NEDD4L: variants seen among roughly 807,000 people sequenced by gnomAD.
NEDD4L encodes the protein NEDD4 like E3 ubiquitin protein ligase.
Under a neutral mutation model 148.9 loss-of-function variants are expected in NEDD4L, and 54 were observed. The observed-to-expected ratio is 0.36, with a 90% CI of 0.29 to 0.45. NEDD4L has a LOEUF of 0.45. NEDD4L is among the 20% of genes least tolerant of loss of function. NEDD4L has a pLI of 1.00. For missense variants in NEDD4L, 856 were observed against 1,233.8 expected (o/e 0.69, Z 4.59); for synonymous variants, 433 against 440.7 (o/e 0.98, Z 0.22).
chr18:58,336,346 G>A (rs182814134), intron 13 of NEDD4L, among the ~76,000 whole-genome samples: 261 of 152,294 alleles, frequency 1.7e-3, no homozygotes, highest in Admixed American at 7.3e-3. Flanking sequence ...GGGAGGCTGA[G>A]GCAGGTGGAT....
chr18:58,274,114 T>C (rs1032366180), intron 5 of NEDD4L, among the ~76,000 whole-genome samples: 4 of 150,034 alleles, frequency 2.7e-5, no homozygotes, highest in Non-Finnish European at 4.5e-5. Flanking sequence ...GTGAGCCACG[T>C]AGAGAGAAGT....
At chr18:58,182,508 C>A (rs2038972267) in intron 2 of NEDD4L, among the ~76,000 whole-genome samples, 1 of 141,618 alleles carries the variant, frequency 7.1e-6, no homozygotes, top group Non-Finnish European at 1.5e-5. Flanking sequence ...AGCATTGATA[C>A]CTTTTTTTTT....
intron 5 of NEDD4L, among the ~76,000 whole-genome samples, chr18:58,302,643 T>C (rs750365948): frequency 6.6e-6 from 1 of 152,248 alleles, no homozygotes; most frequent in Non-Finnish European, 1.5e-5. Context: ...TAACATTCAA[T>C]AGTAACTTGC....
At chr18:58,184,006 A>G (rs2039153990) in intron 2 of NEDD4L, among the ~76,000 whole-genome samples, 1 of 152,136 alleles carries the variant, frequency 6.6e-6, no homozygotes, top group Non-Finnish European at 1.5e-5. Flanking sequence ...CGTCTCTACT[A>G]AAAATAGAGA....
intron 18 of NEDD4L, among the ~76,000 whole-genome samples, chr18:58,355,554 T>A (rs935716074): frequency 6.6e-6 from 1 of 152,250 alleles, no homozygotes; most frequent in Non-Finnish European, 1.5e-5. Context: ...GATACGGTTA[T>A]AATCCAAGTT....
chr18:58,352,896 C>CA (rs1227920099), intron 18 of NEDD4L, among the ~76,000 whole-genome samples: 1 of 152,114 alleles, frequency 6.6e-6, no homozygotes, highest in African/African-American at 2.4e-5. Flanking sequence ...CGCAAGGAGC[C>CA]AAAAACAGAA....
At chr18:58,127,484 G>T (rs192571857) in intron 1 of NEDD4L, among the ~76,000 whole-genome samples, 12 of 151,786 alleles carry the variant, frequency 7.9e-5, no homozygotes, top group Admixed American at 6.6e-4. Flanking sequence ...CGGGAAGATC[G>T]CTTGAGGCCA....
rs114940918 is a variant in NEDD4L, at chr18:58,221,541, A to G, written c.123-23886A>G. ...CCTGTCATTGAAGTGAATCATCAGT[A>G]TAAGTAGCGAGCTGGGCGCATTCCT... On this transcript the variant is annotated intron_variant, in intron 2 of 30. Transcript: ENST00000400345. The G allele has an allele frequency of 2.7e-3, 2,613 of 985,344 alleles. 60 individuals are homozygous for G. The African/African-American group carries it at 0.043, about 16-fold the overall frequency. The allele number at this position is 985,344 out of a possible 1,614,324, so 61.0% of individuals were successfully genotyped here.
intron 21 of NEDD4L, 44 bp from the exon 22 acceptor site, chr18:58,367,702 A>G (rs1274399618): frequency 5.0e-6 from 8 of 1,610,516 alleles, no homozygotes; most frequent in Non-Finnish European, 5.1e-6. Context: ...AAAATCTTGC[A>G]TTTGAAAGTG....
At chr18:58,047,605 A>C in intron 1 of NEDD4L, 1 of 661,360 alleles carries the variant, frequency 1.5e-6, no homozygotes, top group Non-Finnish European at 1.9e-6. Context: ...GGTGAGTTAT[A>C]ATTCATATTT....
At chr18:58,135,934 C>A (rs1384006346) in intron 1 of NEDD4L, among the ~76,000 whole-genome samples, 1 of 152,146 alleles carries the variant, frequency 6.6e-6, no homozygotes, top group Non-Finnish European at 1.5e-5. Flanking sequence ...ATGGCCATAC[C>A]CCTTGTGTGG....
intron 19 of NEDD4L, 128 bp from the exon 20 acceptor site, chr18:58,364,140 C>A: frequency 1.5e-6 from 1 of 667,772 alleles, no homozygotes; most frequent in Non-Finnish European, 2.6e-6. Flanking sequence ...CTAATTTTTC[C>A]ATGGATAATC....
chr18:58,324,922 G>A (rs1267299528), intron 8 of NEDD4L, 74 bp from the exon 9 acceptor site: 8 of 1,360,042 alleles, frequency 5.9e-6, no homozygotes, highest in Non-Finnish European at 3.1e-6. Context: ...GGGCATGCAG[G>A]GCATGCTGTG....
chr18:58,214,390 A>G (rs569886371), intron 2 of NEDD4L, among the ~76,000 whole-genome samples: 70 of 152,322 alleles, frequency 4.6e-4, no homozygotes, highest in African/African-American at 1.6e-3. Context: ...GAATCAGAGA[A>G]AGAGAGAGAT....
intron 5 of NEDD4L, among the ~76,000 whole-genome samples, chr18:58,253,490 G>A (rs1458763210): frequency 6.6e-6 from 1 of 152,196 alleles, no homozygotes; most frequent in Non-Finnish European, 1.5e-5. Flanking sequence ...GTACTTTCTT[G>A]TGAAATTGGA....
intron 18 of NEDD4L, among the ~76,000 whole-genome samples, chr18:58,352,141 C>A (rs559285756): frequency 6.6e-6 from 1 of 152,090 alleles, no homozygotes; most frequent in Non-Finnish European, 1.5e-5. Context: ...TTTGTTTAAA[C>A]CAGATATTTC....
intron 5 of NEDD4L, among the ~76,000 whole-genome samples, chr18:58,282,363 TTATC>T (rs1280427740): frequency 2.0e-5 from 3 of 152,294 alleles, no homozygotes; most frequent in Middle Eastern, 3.4e-3. Context: ...TCATATCTAC[TTATC>T]TATCTGATTT....
rs1170372050 is a variant in NEDD4L at position 58,139,612 on chromosome 18, G to A, written c.49-26176G>A. ...CCCCTAACTCCAGTGTTGGTAGTTA[G>A]GGACAGAAGAAGGGTGGAGGATGTC... is the stretch of plus-strand genomic sequence containing the variant. On this transcript the variant is annotated intron_variant, in intron 1 of 30. Transcript: ENST00000400345. 2.0e-5 allele frequency among the ~76,000 whole-genome samples: 3 copies of A among 152,232 alleles called. No individual in the cohort carries two copies. In the East Asian group the frequency reaches 5.8e-4, roughly 29 times the overall value.
At chr18:58,173,760 T>C (rs1441562863) in intron 2 of NEDD4L, among the ~76,000 whole-genome samples, 1 of 152,238 alleles carries the variant, frequency 6.6e-6, no homozygotes, top group East Asian at 1.9e-4. Context: ...GTAGTACTGT[T>C]CTCACAAAAT....
Sources: allele counts gnomAD v4.1 joint callset (sites outside exome capture counted in the v4.1 genomes callset), GRCh38; gene constraint gnomAD v4.1.1; transcripts MANE v1.5; gene names NCBI Gene and HGNC (gene_info 2026-07-23, HGNC 2026-07-21).